The following C4orf50 variants were observed in gnomAD, a reference collection of about 807,000 sequenced individuals.
C4orf50 encodes chromosome 4 open reading frame 50.
A neutral mutation model predicts 77.2 loss-of-function variants in C4orf50; 80 were observed. The observed-to-expected ratio is 1.04, with a 90% CI of 0.87 to 1.25. C4orf50 has a LOEUF of 1.25. Among genes scored for constraint, C4orf50 ranks in the 50% most tolerant of loss-of-function variants. The pLI is 0.00. For synonymous variants in C4orf50, 532 were observed against 465.3 expected (o/e 1.14, Z -1.84); for missense variants, 1,257 against 1,152.9 (o/e 1.09, Z -1.31).
At chr4:5,980,414 C>T (rs1331157171) in intron 28 of C4orf50, 76 bp from the exon 7 acceptor site, 28 of 1,319,192 alleles carry the variant, frequency 2.1e-5, no homozygotes, top group Middle Eastern at 1.8e-4. Flanking sequence ...AAACGGTACC[C>T]GTTTCCCCAC....
Position 6,008,875 on chromosome 4 carries a change from G to A in C4orf50, c.427-343C>T, listed in dbSNP as rs1186406956. 6.6e-6 allele frequency among the ~76,000 whole-genome samples: 1 copy of A among 152,212 alleles called. No homozygotes were observed. On this transcript the variant is annotated intron_variant, in intron 24 of 33. Transcript: ENST00000531445. This position sits in a 1 kb window ranked among gnomAD's most constrained non-coding sequence, Gnocchi z 6.0. ...AGATGTCCGGATACTGAATACGTCC[G>A]CACCTGAGTGCACACAGCTGCTCCA...
chr4:5,973,942 A>G (rs943220247), intron 30 of C4orf50, 101 bp from the exon 9 acceptor site: 1 of 937,394 alleles, frequency 1.1e-6, no homozygotes, highest in African/African-American at 1.7e-5. Context: ...CCTACTCACC[A>G]TCCCCAGCCC....
chr4:5,960,481 A>T (rs542872689), intron 33 of C4orf50, among the ~76,000 whole-genome samples: 1 of 152,220 alleles, frequency 6.6e-6, no homozygotes, highest in Non-Finnish European at 1.5e-5. Flanking sequence ...GTTTGCAATG[A>T]GCAGGGCCTT....
chr4:6,003,290 C>G (rs1048875589), intron 25 of C4orf50, among the ~76,000 whole-genome samples: 2 of 152,154 alleles, frequency 1.3e-5, no homozygotes, highest in Non-Finnish European at 2.9e-5. Context: ...CTAAACTGTT[C>G]CAGTCCAGGA....
intron 25 of C4orf50, among the ~76,000 whole-genome samples, chr4:6,003,450 GGGTGGTAATGGTGATGATGGTGAT>G (rs1721928769): frequency 6.7e-6 from 1 of 149,678 alleles, no homozygotes; most frequent in Non-Finnish European, 1.5e-5. Flanking sequence ...ATAGTGATGA[GGGTGGTAATGGTGATGATGGTGAT>G]GGTGGTCATG....
intron 7 of C4orf50, among the ~76,000 whole-genome samples, chr4:5,945,667 C>A (rs562671380): frequency 3.9e-5 from 6 of 152,298 alleles, no homozygotes; most frequent in African/African-American, 1.2e-4. Context: ...AGACTTGCCC[C>A]GGCCCCTGCC....
intron 23 of C4orf50, among the ~76,000 whole-genome samples, chr4:6,014,906 G>A (rs1250695153): frequency 1.3e-5 from 2 of 152,240 alleles, no homozygotes. Context: ...AGTCACAGAG[G>A]CCCCTCCTCC....
At chr4:5,951,286 C>G (rs774992400) in intron 7 of C4orf50, among the ~76,000 whole-genome samples, 3 of 152,120 alleles carry the variant, frequency 2.0e-5, no homozygotes, top group Non-Finnish European at 4.4e-5. Context: ...ATAGCTAAAC[C>G]AAGTGACTTT....
chr4:5,994,244 C>T (rs1192961606), intron 26 of C4orf50, 103 bp downstream of exon 4: 1 of 397,406 alleles, frequency 2.5e-6, no homozygotes, highest in Non-Finnish European at 4.4e-6. Context: ...GGGGGACCAC[C>T]CCCTCTCCCT....
intron 25 of C4orf50, among the ~76,000 whole-genome samples, chr4:6,003,455 G>T (rs1205927983): frequency 6.6e-6 from 1 of 150,998 alleles, no homozygotes; most frequent in Non-Finnish European, 1.5e-5. Flanking sequence ...GATGAGGGTG[G>T]TAATGGTGAT....
At chr4:5,988,927 C>T (rs1030357371) in exon 28 of C4orf50, 1 of 1,535,922 alleles carries the variant, frequency 6.5e-7, no homozygotes, top group African/African-American at 1.4e-5. Context: ...TTTGGATTTC[C>T]TGACACTCTC....
At chr4:5,920,309 G>A in intron 7 of C4orf50, among the ~76,000 whole-genome samples, 1 of 152,134 alleles carries the variant, frequency 6.6e-6, no homozygotes, top group East Asian at 1.9e-4. Context: ...ACATCTGTGA[G>A]GAGGGTATGA....
At chr4:5,912,138 G>C (rs993964224) in intron 7 of C4orf50, among the ~76,000 whole-genome samples, 8 of 151,976 alleles carry the variant, frequency 5.3e-5, no homozygotes, top group Non-Finnish European at 1.2e-4. Flanking sequence ...TTTAATTTCC[G>C]TGGTGTAAAC....
At chr4:5,918,916 C>T (rs1303641036) in intron 7 of C4orf50, among the ~76,000 whole-genome samples, 1 of 152,180 alleles carries the variant, frequency 6.6e-6, no homozygotes, top group Non-Finnish European at 1.5e-5. Context: ...TCTTTTAAAG[C>T]ATACCCCTCC....
At chr4:5,954,861 T>A (rs1718882867), downstream of C4orf50, among the ~76,000 whole-genome samples, 1 of 152,128 alleles carries the variant, frequency 6.6e-6, no homozygotes, top group Non-Finnish European at 1.5e-5. This position sits in a 1 kb window ranked among gnomAD's most constrained non-coding sequence, Gnocchi z 4.7. Flanking sequence ...AGATGCTGGT[T>A]GGGAGAGACC....
chr4:5,907,201 C>A (rs1209834745), intron 7 of C4orf50, among the ~76,000 whole-genome samples: 2 of 152,224 alleles, frequency 1.3e-5, no homozygotes, highest in Non-Finnish European at 2.9e-5. Context: ...AAGAAGGCAA[C>A]ATTCTTTCCC....
chr4:5,989,624 G>T, exon 28 of C4orf50: 1 of 1,536,128 alleles, frequency 6.5e-7, no homozygotes, highest in Non-Finnish European at 8.7e-7. Flanking sequence ...TCCACGTCCT[G>T]TGCAAGCTCA....
intron 7 of C4orf50, among the ~76,000 whole-genome samples, chr4:5,922,958 CATTAGTA>C (rs1717346286): frequency 6.6e-6 from 1 of 152,184 alleles, no homozygotes; most frequent in Non-Finnish European, 1.5e-5. Flanking sequence ...CCTAAACTGT[CATTAGTA>C]ATCATCATTC....
intron 7 of C4orf50, among the ~76,000 whole-genome samples, chr4:5,947,691 C>A (rs1718540623): frequency 6.6e-6 from 1 of 152,122 alleles, no homozygotes; most frequent in Non-Finnish European, 1.5e-5. Context: ...GTCTTTTTCA[C>A]CCCCACTGGA....
Sources: allele counts gnomAD v4.1 joint callset (sites outside exome capture counted in the v4.1 genomes callset), GRCh38; gene constraint gnomAD v4.1.1; non-coding constraint Gnocchi (gnomAD v3.1); transcripts MANE v1.5; gene names NCBI Gene and HGNC (gene_info 2026-07-23, HGNC 2026-07-21).